Variants in SCN11A observed in about 807,000 individuals in gnomAD.
SCN11A encodes the protein sodium voltage-gated channel alpha subunit 11.
A neutral mutation model predicts 162.2 loss-of-function variants in SCN11A; 122 were observed. The ratio of observed to expected loss-of-function variants is 0.75; its 90% confidence interval spans 0.65 to 0.87. SCN11A has a LOEUF of 0.87. SCN11A is among the 40% of genes least tolerant of loss of function. The pLI, the probability that SCN11A is intolerant of heterozygous loss-of-function variation, is 0.00. For synonymous variants in SCN11A, 758 were observed against 751.5 expected (o/e 1.01, Z -0.14); for missense variants, 2,015 against 2,181.6 (o/e 0.92, Z 1.52).
At position 38,847,567 on chromosome 3, in the gene SCN11A, A is replaced by G; in HGVS notation, c.4503T>C (p.Gly1501=). The change falls in exon 30 of 30, where the codon GGT becomes GGC. Residue 1501 remains glycine (G), a synonymous_variant. Coordinates refer to ENST00000302328, the MANE Select transcript of SCN11A (RefSeq NM_001349253.2). ...TAAACATAATCAGAAAGAGTAGAAGACCAATGTTGAACAGAGAAGGAAGCG... is the reference window on the plus strand; with the variant it reads ...TAAACATAATCAGAAAGAGTAGAAGGCCAATGTTGAACAGAGAAGGAAGCG... ...MMSLPSLFNI[G]LLLFLIMFIY... The G allele has an allele frequency of 1.2e-6, 2 of 1,614,162 alleles. No homozygotes were observed. The highest frequency in any genetic ancestry group is 1.7e-6 in the Non-Finnish European group (2 of 1,180,022).
intron 2 of SCN11A, among the ~76,000 whole-genome samples, chr3:38,998,607 C>T (rs1559568960): frequency 2.0e-5 from 3 of 152,138 alleles, no homozygotes; most frequent in Admixed American, 1.3e-4. Flanking sequence ...CACATGCACA[C>T]ATATGTTTAT....
At chr3:38,892,528 C>T (rs1472374895) in intron 19 of SCN11A, among the ~76,000 whole-genome samples, 1 of 152,050 alleles carries the variant, frequency 6.6e-6, no homozygotes, top group Non-Finnish European at 1.5e-5. Flanking sequence ...CTGCAGGTAA[C>T]TCACAGTCAC....
At chr3:38,864,633 C>G (rs990416945) in intron 27 of SCN11A, among the ~76,000 whole-genome samples, 26 of 152,052 alleles carry the variant, frequency 1.7e-4, no homozygotes, top group Non-Finnish European at 2.4e-4. Flanking sequence ...GCAACTCTGT[C>G]CACTAGAAAG....
chr3:39,037,151 G>C (rs1252695913), intron 1 of SCN11A, among the ~76,000 whole-genome samples: 1 of 152,176 alleles, frequency 6.6e-6, no homozygotes, highest in Non-Finnish European at 1.5e-5. Context: ...CTACAAAAAG[G>C]AATGAGATCG....
At chr3:38,971,690 A>G (rs1458158883) in intron 2 of SCN11A, among the ~76,000 whole-genome samples, 3 of 151,978 alleles carry the variant, frequency 2.0e-5, no homozygotes, top group Non-Finnish European at 4.4e-5. Flanking sequence ...AGCCAATGAC[A>G]CTGACAAATA....
At position 38,867,447 on chromosome 3, in the gene SCN11A, CTGT is replaced by C; in HGVS notation, c.3822_3824del (p.Gln1275del). 6.3e-7 allele frequency: 1 copy of C among 1,596,104 alleles called. No homozygotes were observed. Among genetic ancestry groups the C allele is most frequent in the Non-Finnish European group, 8.5e-7 (1 of 1,175,202 alleles). On this transcript the variant is annotated inframe_deletion, in exon 27 of 30. Transcript: ENST00000302328. ...CGAGTGAATTGCTCTCAAACTCTGG[CTGT>C]TGTTCTTTCTGTTAGAAATTTTTTT... is the stretch of plus-strand genomic sequence containing the variant.
At chr3:38,951,060 G>C (rs901592874) in intron 4 of SCN11A, among the ~76,000 whole-genome samples, 2 of 152,232 alleles carry the variant, frequency 1.3e-5, no homozygotes, top group African/African-American at 4.8e-5. Context: ...GGCACTTGAG[G>C]AGCCCTTCAG....
chr3:38,864,039 T>C (rs2065005577), intron 27 of SCN11A, among the ~76,000 whole-genome samples: 1 of 152,040 alleles, frequency 6.6e-6, no homozygotes, highest in Non-Finnish European at 1.5e-5. Flanking sequence ...TTAGTAAATG[T>C]AAGGGGGTAA....
At chr3:38,961,278 T>C (rs992876721) in intron 2 of SCN11A, among the ~76,000 whole-genome samples, 3 of 152,238 alleles carry the variant, frequency 2.0e-5, no homozygotes, top group African/African-American at 7.2e-5. Context: ...CCATGTTAAA[T>C]ATGATAATTC....
rs567300461 is a variant in SCN11A at position 38,891,181 on chromosome 3, T to C, written c.2835+3352A>G. ...GGAAATAAAAGATACTATGACCATA[T>C]ACAATCAAATACAAAATATCAATAG... On this transcript the variant is annotated intron_variant, in intron 19 of 29. Transcript: ENST00000302328. Among the ~76,000 whole-genome samples the C allele has an allele frequency of 6.6e-5, 10 of 152,144 alleles. No individual in the cohort carries two copies. The East Asian group carries it at 1.3e-3, about 21-fold the overall frequency.
In SCN11A at chr3:38,880,026, AC is replaced by A; in HGVS notation, c.3316del (p.Val1106TyrfsTer2). ...IFTHIFILEM[V>X]LKWVAFGFGK... Reference sequence around the variant, plus strand: ...AAATCCGAAGGCTACCCATTTTAGTACCATCTCCAGGATAAAAATATGTGTA... The same window carrying A: ...AAATCCGAAGGCTACCCATTTTAGTACATCTCCAGGATAAAAATATGTGTA... On this transcript the variant is annotated frameshift_variant, in exon 23 of 30. Transcript: ENST00000302328. LOFTEE classifies it high-confidence loss of function. 1.2e-6 allele frequency: 2 copies of A among 1,611,608 alleles called. No individual in the cohort carries two copies. Among genetic ancestry groups the A allele is most frequent in the Non-Finnish European group, 8.5e-7 (1 of 1,178,124 alleles).
Position 38,926,903 on chromosome 3 carries a change from CA to C in SCN11A, c.516del (p.Phe172LeufsTer4), listed in dbSNP as rs1575301323. ...AECVFTGIYI[F>X]EALIKILARG... ...CTTGCCAATATTTTAATCAAAGCTT[CA>C]AAAATATAAATCCCAGTGAAGACAC... On this transcript the variant is annotated frameshift_variant, in exon 8 of 30. Coordinates refer to ENST00000302328, the MANE Select transcript of SCN11A (RefSeq NM_001349253.2). LOFTEE classifies it high-confidence loss of function. 6.2e-7 allele frequency: 1 copy of C among 1,612,838 alleles called. No individual in the cohort carries two copies. Among genetic ancestry groups the C allele is most frequent in the Non-Finnish European group, 8.5e-7 (1 of 1,179,026 alleles).
Position 38,950,327 on chromosome 3 carries a change from A to T in SCN11A, c.36T>A (p.Asp12Glu), listed in dbSNP as rs1385002411. 3.1e-6 allele frequency: 5 copies of T among 1,613,850 alleles called. No homozygotes were observed. Among genetic ancestry groups the T allele is most frequent in the Non-Finnish European group, 4.2e-6 (5 of 1,180,020 alleles). ...AAGTGAAGGGGCGGAAATTCCGCTC[A>T]TCTGGAAAGATTACTGGGTAGCATC... ...DDRCYPVIFP[D>E]ERNFRPFTSD... Residue 12 changes from aspartate to glutamate, a missense_variant, in exon 5 of 30, where the codon GAT (aspartate) becomes GAA (glutamate). By Grantham distance (45) the Asp-to-Glu change is conservative. Transcript: ENST00000302328.
chr3:38,864,009 G>A (rs905041607), intron 27 of SCN11A, among the ~76,000 whole-genome samples: 7 of 152,244 alleles, frequency 4.6e-5, no homozygotes, highest in Admixed American at 4.6e-4. Flanking sequence ...ACTAATCTCT[G>A]TAAACTAGAA....
intron 22 of SCN11A, among the ~76,000 whole-genome samples, chr3:38,880,920 G>C (rs2065298633): frequency 6.6e-6 from 1 of 152,112 alleles, no homozygotes; most frequent in Non-Finnish European, 1.5e-5. Flanking sequence ...ATGAAAGAAA[G>C]GAAGACGGCC....
chr3:39,048,063 C>T (rs2032227427), intron 1 of SCN11A, among the ~76,000 whole-genome samples: 1 of 152,192 alleles, frequency 6.6e-6, no homozygotes, highest in African/African-American at 2.4e-5. Flanking sequence ...GATACCTGTC[C>T]TCCCACAGTT....
chr3:38,928,569 A>G (rs1466016875), intron 7 of SCN11A, among the ~76,000 whole-genome samples: 1 of 151,922 alleles, frequency 6.6e-6, no homozygotes, highest in Non-Finnish European at 1.5e-5. Context: ...ATAAAATAGA[A>G]CTCCTACAAC....
At chr3:38,926,447 C>G (rs2066141836) in intron 8 of SCN11A, among the ~76,000 whole-genome samples, 1 of 152,036 alleles carries the variant, frequency 6.6e-6, no homozygotes, top group South Asian at 2.1e-4. Context: ...TGTTACTTTT[C>G]CCCTCTGGAC....
chr3:38,980,896 G>C (rs1202184037), intron 2 of SCN11A, among the ~76,000 whole-genome samples: 1 of 152,166 alleles, frequency 6.6e-6, no homozygotes, highest in Non-Finnish European at 1.5e-5. Flanking sequence ...AAGGAGACCA[G>C]ATAGTCAGAG....
Sources: allele counts gnomAD v4.1 joint callset (sites outside exome capture counted in the v4.1 genomes callset), GRCh38; gene constraint gnomAD v4.1.1; transcripts MANE v1.5; gene names NCBI Gene and HGNC (gene_info 2026-07-23, HGNC 2026-07-21).